NEGR1: variants seen among roughly 807,000 people sequenced by gnomAD.
NEGR1 encodes the protein neuronal growth regulator 1, also known as IgLON family member 4.
In NEGR1, 10 loss-of-function variants were observed where a neutral mutation model predicts 40.9. That is an observed-to-expected ratio of 0.24 (90% CI 0.15 to 0.42). NEGR1 has a LOEUF of 0.42. Ranked by LOEUF, NEGR1 falls within the 10% of genes least tolerant of loss-of-function variation. NEGR1 has a pLI of 1.00. For synonymous variants in NEGR1, 185 were observed against 166.8 expected (o/e 1.11, Z -0.84); for missense variants, 352 against 438.9 (o/e 0.80, Z 1.77).
At chr1:71,481,781 T>C (rs566425286) in intron 6 of NEGR1, among the ~76,000 whole-genome samples, 1 of 151,966 alleles carries the variant, frequency 6.6e-6, no homozygotes, top group East Asian at 1.9e-4. Context: ...TATGAACTTT[T>C]AGTTTAGTTA....
intron 2 of NEGR1, among the ~76,000 whole-genome samples, chr1:71,787,517 T>C (rs184844134): frequency 1.3e-5 from 2 of 152,112 alleles, no homozygotes; most frequent in African/African-American, 4.8e-5. Flanking sequence ...ATCCTAAAAA[T>C]AGAAAAGTCT....
intron 1 of NEGR1, among the ~76,000 whole-genome samples, chr1:72,217,797 T>C (rs1653873925): frequency 6.6e-6 from 1 of 151,830 alleles, no homozygotes; most frequent in Non-Finnish European, 1.5e-5. Context: ...TTTTATGATT[T>C]GATAAACTTG....
intron 4 of NEGR1, among the ~76,000 whole-genome samples, chr1:71,649,248 A>G (rs757630753): frequency 4.6e-5 from 7 of 152,144 alleles, no homozygotes; most frequent in Non-Finnish European, 8.8e-5. Context: ...TTCTGAGAGT[A>G]TAACTTTAAA....
In NEGR1 at chr1:72,168,074, C is replaced by T. The variant is rs144072764; in HGVS notation, c.176+114245G>A. On this transcript the variant is annotated intron_variant, in intron 1 of 6. Transcript: ENST00000357731. ...AGGCTGGAGTGCAGTGGCGTGATCT[C>T]GGCTAACTGCAACCTCCACCTCCCA... Among the ~76,000 whole-genome samples, 1,038 of 151,120 alleles carry T rather than the reference C, an allele frequency of 6.9e-3. 9 individuals carry two copies. Among genetic ancestry groups the T allele is most frequent in the African/African-American group, 0.024 (972 of 41,120 alleles).
At chr1:71,556,688 C>A (rs1648264295) in intron 6 of NEGR1, among the ~76,000 whole-genome samples, 1 of 151,396 alleles carries the variant, frequency 6.6e-6, no homozygotes, top group Non-Finnish European at 1.5e-5. Flanking sequence ...CACAAAAACT[C>A]ACTCACACTG....
rs866511778 is a variant in NEGR1, at chr1:71,802,319, A to G, written c.410-26022T>C. ...AGGGACAACAAAGATATGGCTGAAC[A>G]AGTACTCCATAAAGAGATTGCCCAT... On this transcript the variant is annotated intron_variant, in intron 2 of 6. Coordinates refer to ENST00000357731, the MANE Select transcript of NEGR1 (RefSeq NM_173808.3). Among the ~76,000 whole-genome samples, 4 of 152,224 alleles carry G rather than the reference A, an allele frequency of 2.6e-5. No homozygotes were observed. The South Asian group carries it at 8.3e-4, about 32-fold the overall frequency.
In NEGR1 at chr1:72,164,284, G is replaced by T. The variant is rs116336985; in HGVS notation, c.176+118035C>A. Among the ~76,000 whole-genome samples the T allele has an allele frequency of 6.5e-3, 973 of 150,848 alleles. 9 individuals are homozygous for T. The highest frequency in any genetic ancestry group is 0.022 in the African/African-American group (890 of 40,534). Reference sequence around the variant, plus strand: ...TGTTTAGAATGTAACCCATTGACTTGAAAACTGTTTTTTTTTTAAATTTTT... The same window carrying T: ...TGTTTAGAATGTAACCCATTGACTTTAAAACTGTTTTTTTTTTAAATTTTT... On this transcript the variant is annotated intron_variant, in intron 1 of 6. Transcript: ENST00000357731.
At chr1:71,437,623 T>C (rs1201261986) in intron 6 of NEGR1, among the ~76,000 whole-genome samples, 4 of 152,188 alleles carry the variant, frequency 2.6e-5, no homozygotes, top group Non-Finnish European at 5.9e-5. Flanking sequence ...CATTTAGAAA[T>C]GTTATGTTCA....
chr1:72,225,928 T>C (rs1343485960), intron 1 of NEGR1, among the ~76,000 whole-genome samples: 1 of 151,784 alleles, frequency 6.6e-6, no homozygotes, highest in Non-Finnish European at 1.5e-5. Flanking sequence ...TGAAGACTAA[T>C]GGGGTACATT....
At chr1:71,689,235 T>G in intron 4 of NEGR1, among the ~76,000 whole-genome samples, 1 of 152,190 alleles carries the variant, frequency 6.6e-6, no homozygotes, top group East Asian at 1.9e-4. Flanking sequence ...TCCAGAATCA[T>G]TTGACTGAAG....
At chr1:71,674,849 TC>T (rs763133969) in intron 4 of NEGR1, among the ~76,000 whole-genome samples, 1 of 151,898 alleles carries the variant, frequency 6.6e-6, no homozygotes, top group Non-Finnish European at 1.5e-5. Context: ...TTACTTTTTT[TC>T]TTTCATAGCA....
intron 1 of NEGR1, chr1:72,275,079 T>C: frequency 2.0e-6 from 2 of 1,014,764 alleles, no homozygotes; most frequent in African/African-American, 1.6e-5. Context: ...TTAGCACCAG[T>C]GACCTCCTGA....
intron 6 of NEGR1, among the ~76,000 whole-genome samples, chr1:71,410,470 A>T (rs1404786793): frequency 1.3e-5 from 2 of 152,148 alleles, no homozygotes; most frequent in Non-Finnish European, 2.9e-5. Flanking sequence ...CTAGTTGGGG[A>T]TATAAATAAA....
chr1:71,651,202 A>G (rs983987698), intron 4 of NEGR1, among the ~76,000 whole-genome samples: 5 of 152,272 alleles, frequency 3.3e-5, no homozygotes, highest in African/African-American at 7.2e-5. Flanking sequence ...ACAGTGACCT[A>G]TATATGGGGG....
intron 3 of NEGR1, among the ~76,000 whole-genome samples, chr1:71,747,543 G>T (rs971664776): frequency 1.4e-4 from 21 of 151,838 alleles, no homozygotes; most frequent in Admixed American, 1.4e-3. Context: ...TCCTGCCTCA[G>T]CCTCTCAAGT....
chr1:71,486,392 C>T (rs1237442304), intron 6 of NEGR1: 2 of 150,246 alleles, frequency 1.3e-5, no homozygotes, highest in African/African-American at 4.9e-5. Flanking sequence ...TTTTTTTTCA[C>T]CACAGAGCTT....
chr1:71,835,635 C>A (rs1377189020), intron 2 of NEGR1, among the ~76,000 whole-genome samples: 2 of 152,078 alleles, frequency 1.3e-5, no homozygotes, highest in African/African-American at 4.8e-5. Context: ...GAAGTAATCA[C>A]AAGGGATTGC....
At chr1:72,077,242 A>G (rs889034812) in intron 1 of NEGR1, among the ~76,000 whole-genome samples, 1 of 151,988 alleles carries the variant, frequency 6.6e-6, no homozygotes, top group African/African-American at 2.4e-5. Flanking sequence ...GATGTATGCA[A>G]CCGGAGCACT....
At chr1:71,569,862 C>A (rs1044263483) in intron 6 of NEGR1, among the ~76,000 whole-genome samples, 1 of 152,162 alleles carries the variant, frequency 6.6e-6, no homozygotes, top group African/African-American at 2.4e-5. Flanking sequence ...AGATCAGACA[C>A]AAGTGTGGCT....
Sources: allele counts gnomAD v4.1 joint callset (sites outside exome capture counted in the v4.1 genomes callset), GRCh38; gene constraint gnomAD v4.1.1; transcripts MANE v1.5; gene names NCBI Gene and HGNC (gene_info 2026-07-23, HGNC 2026-07-21).